SURF4: variants seen among roughly 807,000 people sequenced by gnomAD.
The protein encoded by SURF4 is surfeit locus protein 4.
In SURF4, 3 loss-of-function variants were observed where a neutral mutation model predicts 30.0. The observed-to-expected ratio is 0.10, with a 90% CI of 0.05 to 0.26. The LOEUF (loss-of-function observed/expected upper bound fraction) is 0.26, where lower values mean the gene tolerates loss of function less well. SURF4 is among the 10% of genes least tolerant of loss of function. SURF4 has a pLI of 1.00. For synonymous variants in SURF4, 143 were observed against 139.9 expected (o/e 1.02, Z -0.16); for missense variants, 217 against 350.8 (o/e 0.62, Z 3.05).
chr9:133,372,986 G>C (rs1837592865), intron 1 of SURF4, among the ~76,000 whole-genome samples: 1 of 152,210 alleles, frequency 6.6e-6, no homozygotes, highest in South Asian at 2.1e-4. Context: ...CTCTTAAGGA[G>C]ATCATCTGAC....
intron 5 of SURF4, among the ~76,000 whole-genome samples, chr9:133,364,597 CAGG>C (rs1403479125): frequency 6.6e-6 from 1 of 151,066 alleles, no homozygotes; most frequent in East Asian, 2.0e-4. Flanking sequence ...GAGGCTGAGG[CAGG>C]AGAATGGCGT....
intron 2 of SURF4, 46 bp from the exon 3 acceptor site, chr9:133,366,721 C>T (rs2130132238): frequency 2.7e-5 from 42 of 1,582,458 alleles, no homozygotes; most frequent in Middle Eastern, 3.4e-4. Context: ...TGGGTGCCGG[C>T]GGGGAGCACT....
chr9:133,361,973 T>C lies in SURF4; in HGVS notation c.*1520A>G, dbSNP rs1836836958. On this transcript the variant is annotated 3_prime_UTR_variant, in exon 6 of 6. Coordinates refer to ENST00000371989, the MANE Select transcript of SURF4 (RefSeq NM_033161.4). ...AATGATCACAGGAGAAGAGAACCCA[T>C]GTCCTGAAGCCATTGCTCGATCTTA... is the stretch of plus-strand genomic sequence containing the variant. The C allele has an allele frequency of 1.3e-5, 2 of 152,254 alleles. No homozygotes were observed. Among genetic ancestry groups the C allele is most frequent in the Non-Finnish European group, 2.9e-5 (2 of 68,050 alleles). The allele number at this position is 152,254 out of a possible 1,614,324, so 9.4% of individuals were successfully genotyped here.
chr9:133,374,839 C>T (rs1837772070), intron 1 of SURF4, among the ~76,000 whole-genome samples: 1 of 151,974 alleles, frequency 6.6e-6, no homozygotes, highest in African/African-American at 2.4e-5. Context: ...ACAAGCCTTC[C>T]GATAAGTCTA....
intron 1 of SURF4, chr9:133,371,033 C>T (rs2130185887): frequency 9.4e-6 from 12 of 1,274,750 alleles, no homozygotes; most frequent in Admixed American, 7.1e-5. Flanking sequence ...ATTTTAGAAA[C>T]GTAATTAATT....
In SURF4 at chr9:133,367,673, G is replaced by C. The variant is rs1837259742; in HGVS notation, c.49-228C>G. ...CAACAATCCAAGGATCAGTCCCGGA[G>C]ATGCATGACTTGACGTTAGGCCCTC... On this transcript the variant is annotated intron_variant, in intron 1 of 5. Coordinates refer to ENST00000371989, the MANE Select transcript of SURF4 (RefSeq NM_033161.4). 1.1e-5 allele frequency: 14 copies of C among 1,256,068 alleles called. No individual in the cohort carries two copies. In the South Asian group the frequency reaches 2.0e-4, roughly 18 times the overall value. 77.8% of individuals were successfully genotyped at this position (1,256,068 alleles called of 1,614,324 possible).
intron 3 of SURF4, among the ~76,000 whole-genome samples, chr9:133,366,274 C>A (rs1283194898): frequency 6.6e-6 from 1 of 152,194 alleles, no homozygotes; most frequent in Non-Finnish European, 1.5e-5. Context: ...ATATTCTGTT[C>A]CCAGCATTTC....
Position 133,375,176 on chromosome 9 carries a change from G to C in SURF4, c.48+746C>G. On this transcript the variant is annotated intron_variant, in intron 1 of 5. Coordinates refer to ENST00000371989, the MANE Select transcript of SURF4 (RefSeq NM_033161.4). ...ATCGGATCCTGTCCACCCAGTTCCC[G>C]AATGCTCTCAACAGTTACCCAACCG... is the stretch of plus-strand genomic sequence containing the variant. 3.1e-6 allele frequency: 3 copies of C among 979,068 alleles called. No individual in the cohort carries two copies. The South Asian group carries it at 1.4e-4, about 46-fold the overall frequency. 60.6% of individuals were successfully genotyped at this position (979,068 alleles called of 1,614,324 possible). A position where few individuals can be genotyped will look rare whatever the true frequency, so the allele number is the denominator to read the frequency against.
intron 1 of SURF4, among the ~76,000 whole-genome samples, chr9:133,370,246 G>C (rs1336552934): frequency 6.6e-6 from 1 of 152,218 alleles, no homozygotes; most frequent in East Asian, 1.9e-4. Flanking sequence ...GAGCAAAAAA[G>C]AGAGAGAAGG....
In SURF4 at chr9:133,376,017, C is replaced by T; in HGVS notation, c.-48G>A. The T allele has an allele frequency of 1.6e-6, 2 of 1,218,900 alleles. No homozygotes were observed. Among genetic ancestry groups the T allele is most frequent in the Non-Finnish European group, 2.0e-6 (2 of 978,142 alleles). 75.5% of individuals were successfully genotyped at this position (1,218,900 alleles called of 1,614,324 possible). ...CGGCTCGCTCGCTCGCTCGCTGGCT[C>T]TCGCCCGTCGGCGCCCGCACCCGCT... On this transcript the variant is annotated 5_prime_UTR_variant, in exon 1 of 6. Transcript: ENST00000371989.
At chr9:133,376,397 G>T (rs1353152935), upstream of SURF4, 1 of 1,448,056 alleles carries the variant, frequency 6.9e-7, no homozygotes, top group East Asian at 2.9e-5. Context: ...CGGGCGGGGA[G>T]GATCCCGCGG....
Position 133,366,634 on chromosome 9 carries a change from C to A in SURF4, c.277G>T (p.Ala93Ser), listed in dbSNP as rs141358848. 2.2e-4 allele frequency: 359 copies of A among 1,613,898 alleles called. 3 individuals are homozygous for A. The East Asian group carries it at 7.8e-3, about 35-fold the overall frequency. The change falls in exon 3 of 6, where the codon GCC becomes TCC. Residue 93 changes from alanine to serine, a missense_variant. Transcript: ENST00000371989. ...LVLSRNFVQY[A>S]CFGLFGIIAL... is the part of the protein sequence containing the mutation. ...ATGATTCCAAAGAGCCCGAAGCAGGCGTACTGCACGAAGTTCCTGCTCAAC... is the reference window on the plus strand; with the variant it reads ...ATGATTCCAAAGAGCCCGAAGCAGGAGTACTGCACGAAGTTCCTGCTCAAC...
chr9:133,376,424 C>CGGGGTGGGGCCA, upstream of SURF4: 2 of 1,501,546 alleles, frequency 1.3e-6, no homozygotes, highest in African/African-American at 1.4e-5. Flanking sequence ...CTGACCCACG[C>CGGGGTGGGGCCA]GGGGTGGGGC....
At position 133,363,393 on chromosome 9, in the gene SURF4, G is replaced by A. The variant is rs2130085009; in HGVS notation, c.*100C>T. 19 of 1,578,700 alleles carry A rather than the reference G, an allele frequency of 1.2e-5. No homozygotes were observed. The highest frequency in any genetic ancestry group is 1.3e-5 in the African/African-American group (1 of 74,266). On this transcript the variant is annotated 3_prime_UTR_variant, in exon 6 of 6. Coordinates refer to ENST00000371989, the MANE Select transcript of SURF4 (RefSeq NM_033161.4). The surrounding 1 kb of genome is among the most constrained non-coding windows in gnomAD (Gnocchi z 4.3). ...CTGTGCCTTTACCAAGGGAGGGGAA[G>A]GGAAGAGGATACATAAAAGCTGGCA...
chr9:133,365,938 C>T lies in SURF4; in HGVS notation c.356+47G>A, dbSNP rs2130121474. The T allele has an allele frequency of 1.0e-5, 16 of 1,592,102 alleles. No individual in the cohort carries two copies. In the African/African-American group the frequency reaches 1.9e-4, roughly 19 times the overall value. On this transcript the variant is annotated intron_variant, in intron 4 of 5. Coordinates refer to ENST00000371989, the MANE Select transcript of SURF4 (RefSeq NM_033161.4). ...TTTCAGACTTTGGATTTGCAATGCT[C>T]AACCTGTAGAAGGAGCGTATACTAA...
chr9:133,374,350 C>A (rs587689231), intron 1 of SURF4, among the ~76,000 whole-genome samples: 1 of 151,314 alleles, frequency 6.6e-6, no homozygotes, highest in Non-Finnish European at 1.5e-5. Context: ...GTCGGGAGTT[C>A]GAGACCAGCC....
At chr9:133,376,650 GC>G, upstream of SURF4, 1 of 1,209,720 alleles carries the variant, frequency 8.3e-7, no homozygotes, top group Non-Finnish European at 1.1e-6. Flanking sequence ...ACCGAGGGCG[GC>G]GAGGGGCCCG....
At chr9:133,373,768 A>C (rs1461217116) in intron 1 of SURF4, among the ~76,000 whole-genome samples, 2 of 150,212 alleles carry the variant, frequency 1.3e-5, no homozygotes, top group African/African-American at 4.9e-5. Context: ...AAATACAAAA[A>C]AATTAGCTGG....
chr9:133,372,476 A>G (rs2130197520), intron 1 of SURF4: 2 of 561,192 alleles, frequency 3.6e-6, no homozygotes, highest in East Asian at 1.5e-4. Context: ...CCAACCTCCT[A>G]CAGTCAAGAA....
Sources: allele counts gnomAD v4.1 joint callset (sites outside exome capture counted in the v4.1 genomes callset), GRCh38; gene constraint gnomAD v4.1.1; non-coding constraint Gnocchi (gnomAD v3.1); transcripts MANE v1.5; gene names NCBI Gene and HGNC (gene_info 2026-07-23, HGNC 2026-07-21).